SNRNP200: variants seen among roughly 807,000 people sequenced by gnomAD.
SNRNP200 encodes small nuclear ribonucleoprotein U5 subunit 200, also known as U5 small nuclear ribonucleoprotein 200 kDa helicase.
A neutral mutation model predicts 255.2 loss-of-function variants in SNRNP200; 66 were observed. The ratio of observed to expected loss-of-function variants is 0.26; its 90% CI spans 0.21 to 0.32. SNRNP200 has a LOEUF of 0.32. SNRNP200 is among the 10% of genes least tolerant of loss of function. The probability of loss-of-function intolerance (pLI) is 1.00; values close to 1 mark genes in which losing one functional copy is unlikely to be tolerated. For missense variants in SNRNP200, 1,585 were observed against 2,749.8 expected, an observed-to-expected ratio of 0.58 and a Z score of 9.47; for synonymous variants, 939 against 1,027.8, an observed-to-expected ratio of 0.91 and a Z score of 1.65.
At chr2:96,301,749 AACG>A (rs1574001768) in intron 3 of SNRNP200, 33 bp from the exon 4 acceptor site, 1 of 1,612,918 alleles carries the variant, frequency 6.2e-7, no homozygotes, top group Non-Finnish European at 8.5e-7. Context: ...CAATATTGAG[AACG>A]ACGACAGGCA....
chr2:96,285,439 T>C, intron 29 of SNRNP200, 99 bp from the exon 30 acceptor site: 1 of 1,400,390 alleles, frequency 7.1e-7, no homozygotes, highest in Non-Finnish European at 1.0e-6. Context: ...ACATACGAAA[T>C]GAAGTCAGGC....
At position 96,283,156 on chromosome 2, in the gene SNRNP200, C is replaced by T. The variant is rs1476442056; in HGVS notation, c.4915+45G>A. ...GCACCCCTCAAGTTTAACACCACCA[C>T]TTGGTGATACCCTTGCTATGCTCCC... On this transcript the variant is annotated intron_variant, in intron 34 of 44. Coordinates refer to ENST00000323853, the MANE Select transcript of SNRNP200 (RefSeq NM_014014.5). The surrounding 1 kb of genome is among the most constrained non-coding windows in gnomAD (Gnocchi z 4.7). 3 of 1,611,030 alleles carry T rather than the reference C, an allele frequency of 1.9e-6. No homozygotes were observed. Among genetic ancestry groups the T allele is most frequent in the African/African-American group, 2.7e-5 (2 of 74,932 alleles).
intron 4 of SNRNP200, 137 bp downstream of exon 4, chr2:96,301,387 T>C (rs576517084): frequency 1.0e-6 from 1 of 953,952 alleles, no homozygotes; most frequent in South Asian, 1.3e-5. Context: ...CCATCAATTG[T>C]AACTCTTCAA....
Position 96,291,600 on chromosome 2 carries a change from TA to T in SNRNP200, c.2311-99del. On this transcript the variant is annotated intron_variant, in intron 17 of 44. Coordinates refer to ENST00000323853, the MANE Select transcript of SNRNP200 (RefSeq NM_014014.5). The surrounding 1 kb of genome is among the most constrained non-coding windows in gnomAD (Gnocchi z 4.2). ...CCATGAGACCCTGCCCCTTAACTAT[TA>T]TGTGGAATAGTAATAATCACATCCA... is the stretch of plus-strand genomic sequence containing the variant. 1 of 1,236,434 alleles carries T rather than the reference TA, an allele frequency of 8.1e-7. No individual in the cohort carries two copies. The highest frequency in any genetic ancestry group is 1.2e-6 in the Non-Finnish European group (1 of 840,302). 76.6% of individuals were successfully genotyped at this position (1,236,434 alleles called of 1,614,324 possible).
In SNRNP200 at chr2:96,281,931, T is replaced by A. The variant is rs746309906; in HGVS notation, c.4916-9A>T. On this transcript the variant is annotated splice_polypyrimidine_tract_variant and intron_variant, in intron 34 of 44. Transcript: ENST00000323853. ...CACCACCTGGATAGCCCCTGAGCAGTAGAGGGGAGAGGAAGGCTGAGGGCA... is the reference window on the plus strand; with the variant it reads ...CACCACCTGGATAGCCCCTGAGCAGAAGAGGGGAGAGGAAGGCTGAGGGCA... 6.2e-7 allele frequency: 1 copy of A among 1,610,382 alleles called. No homozygotes were observed. The highest frequency in any genetic ancestry group is 1.1e-5 in the South Asian group (1 of 90,944).
Position 96,283,724 on chromosome 2 carries a change from G to A in SNRNP200, c.4585-11C>T, listed in dbSNP as rs1256534266. 6.2e-7 allele frequency: 1 copy of A among 1,614,014 alleles called. No homozygotes were observed. The highest frequency in any genetic ancestry group is 1.7e-5 in the Admixed American group (1 of 60,018). The stretch of plus-strand genomic sequence containing the variant: ...GCTGATGTTGAAGCCCTGGCGACCG[G>A]GGAGAAGAAAAGACACCAAGGTTAT... On this transcript the variant is annotated splice_polypyrimidine_tract_variant and intron_variant, in intron 32 of 44. Coordinates refer to ENST00000323853, the MANE Select transcript of SNRNP200 (RefSeq NM_014014.5). The surrounding 1 kb of genome is among the most constrained non-coding windows in gnomAD (Gnocchi z 4.7).
At chr2:96,282,087 T>A (rs1405426715) in intron 34 of SNRNP200, 165 bp from the exon 35 acceptor site, 9 of 624,882 alleles carry the variant, frequency 1.4e-5, no homozygotes, top group African/African-American at 7.3e-5. Flanking sequence ...CACATTGCTA[T>A]GAGGTAGCTC....
chr2:96,293,408 G>A lies in SNRNP200; in HGVS notation c.1944C>T (p.Leu648=), dbSNP rs1054220177. 5.6e-6 allele frequency: 9 copies of A among 1,613,804 alleles called. No homozygotes were observed. The highest frequency in any genetic ancestry group is 3.4e-4 in the Middle Eastern group (2 of 5,878). ...TGGGTAGGGTGGCACTGAGACCAAT[G>A]AGTCGGACATCCTCTTGGGTCATCT... is the stretch of plus-strand genomic sequence containing the variant. ...NIEMTQEDVR[L]IGLSATLPNY... Residue 648 remains leucine, a synonymous_variant, in exon 15 of 45, where the codon CTC becomes CTT. Transcript: ENST00000323853.
Position 96,286,660 on chromosome 2 carries a change from C to G in SNRNP200, c.3829+28G>C. 6.2e-7 allele frequency: 1 copy of G among 1,611,538 alleles called. No homozygotes were observed. Among genetic ancestry groups the G allele is most frequent in the Non-Finnish European group, 8.5e-7 (1 of 1,178,978 alleles). ...TCTACTGTCCTTGGAGGGACTGTTC[C>G]TGGGGACTCTGGAGAGGAGACACTC... On this transcript the variant is annotated intron_variant, in intron 28 of 44. Coordinates refer to ENST00000323853, the MANE Select transcript of SNRNP200 (RefSeq NM_014014.5). This position sits in a 1 kb window ranked among gnomAD's most constrained non-coding sequence, Gnocchi z 4.8.
intron 35 of SNRNP200, among the ~76,000 whole-genome samples, chr2:96,280,848 C>CA (rs1197505078): frequency 8.7e-6 from 1 of 114,856 alleles, no homozygotes; most frequent in Non-Finnish European, 1.8e-5. Flanking sequence ...ACACCTGGCC[C>CA]TTTTTTTTTT....
chr2:96,276,727 G>C (rs1313686608), intron 43 of SNRNP200, 177 bp downstream of exon 43: 1 of 767,834 alleles, frequency 1.3e-6, no homozygotes, highest in Non-Finnish European at 2.3e-6. Context: ...GCCCTAAACT[G>C]TTTAAGCAGA....
At chr2:96,295,705 G>T (rs1247053461) in intron 13 of SNRNP200, 47 bp from the exon 14 acceptor site, 4 of 1,601,380 alleles carry the variant, frequency 2.5e-6, no homozygotes, top group Non-Finnish European at 3.4e-6. Flanking sequence ...AAGGGGCCTG[G>T]ACACCATGCT....
chr2:96,301,496 A>G (rs780247368), intron 4 of SNRNP200, 28 bp downstream of exon 4: 22 of 1,610,746 alleles, frequency 1.4e-5, no homozygotes, highest in Admixed American at 1.2e-4. Context: ...ACCAATGAAC[A>G]TGATCAGAAC....
intron 36 of SNRNP200, 166 bp downstream of exon 36, chr2:96,279,285 G>T: frequency 1.4e-6 from 1 of 691,372 alleles, no homozygotes; most frequent in Non-Finnish European, 2.6e-6. Context: ...AAAAGCAAAA[G>T]GCAGCAAAAT....
intron 14 of SNRNP200, among the ~76,000 whole-genome samples, chr2:96,294,222 C>T (rs2063902451): frequency 1.3e-5 from 2 of 151,558 alleles, no homozygotes; most frequent in Admixed American, 1.3e-4. Flanking sequence ...TCACCCAAGG[C>T]CAGGAGTTCG....
chr2:96,281,159 CA>C (rs1421432083), intron 35 of SNRNP200: 3 of 147,640 alleles, frequency 2.0e-5, no homozygotes, highest in Non-Finnish European at 3.0e-5. Context: ...CCACCACACC[CA>C]GGCTTTTTTT....
chr2:96,276,761 A>G, intron 43 of SNRNP200, 143 bp downstream of exon 43: 1 of 875,858 alleles, frequency 1.1e-6, no homozygotes, highest in East Asian at 2.4e-5. Flanking sequence ...AAAACCCCAT[A>G]GCCTCAAGAT....
rs192340150 is a variant in SNRNP200 at position 96,291,119 on chromosome 2, C to A, written c.2421+273G>T. On this transcript the variant is annotated intron_variant, in intron 18 of 44. Coordinates refer to ENST00000323853, the MANE Select transcript of SNRNP200 (RefSeq NM_014014.5). This position sits in a 1 kb window ranked among gnomAD's most constrained non-coding sequence, Gnocchi z 4.2. ...CCGGAAAGAGGGAACGACAAGGGCACGCGTGCCCCCATGAGACACTGTTTG... is the reference window on the plus strand; with the variant it reads ...CCGGAAAGAGGGAACGACAAGGGCAAGCGTGCCCCCATGAGACACTGTTTG... Among the ~76,000 whole-genome samples, 1 of 152,126 alleles carries A rather than the reference C, an allele frequency of 6.6e-6. No homozygotes were observed. Among genetic ancestry groups the A allele is most frequent in the Non-Finnish European group, 1.5e-5 (1 of 68,024 alleles).
rs926058801 is a variant in SNRNP200 at position 96,299,445 on chromosome 2, A to G, written c.631-18T>C. 1.3e-6 allele frequency: 2 copies of G among 1,593,804 alleles called. No individual in the cohort carries two copies. Among genetic ancestry groups the G allele is most frequent in the South Asian group, 1.1e-5 (1 of 90,652 alleles). Reference sequence around the variant, plus strand: ...TCACCTTCCTGTGGAAATGACCCCAACTCAACCATGATCTGGAGCTGATCC... The same window carrying G: ...TCACCTTCCTGTGGAAATGACCCCAGCTCAACCATGATCTGGAGCTGATCC... On this transcript the variant is annotated intron_variant, in intron 5 of 44. Transcript: ENST00000323853.
Sources: allele counts gnomAD v4.1 joint callset (sites outside exome capture counted in the v4.1 genomes callset), GRCh38; gene constraint gnomAD v4.1.1; non-coding constraint Gnocchi (gnomAD v3.1); transcripts MANE v1.5; gene names NCBI Gene and HGNC (gene_info 2026-07-23, HGNC 2026-07-21).